GABRA3: variants seen among roughly 807,000 people sequenced by gnomAD.
The protein encoded by GABRA3 is gamma-aminobutyric acid type A receptor subunit alpha3, also known as gamma-aminobutyric acid receptor subunit alpha-3.
In GABRA3, 10 loss-of-function variants were observed where a neutral mutation model predicts 30.1. That is an observed-to-expected ratio of 0.33 (90% CI 0.20 to 0.56). The LOEUF (loss-of-function observed/expected upper bound fraction) is 0.56, where lower values mean the gene tolerates loss of function less well. Ranked by LOEUF, GABRA3 falls within the 20% of genes least tolerant of loss-of-function variation. GABRA3 has a pLI of 0.89. For synonymous variants in GABRA3, 151 were observed against 146.8 expected (o/e 1.03, Z -0.21); for missense variants, 233 against 392.0 (o/e 0.59, Z 3.42).
intron 5 of GABRA3, among the ~76,000 whole-genome samples, chrX:152,241,274 G>A (rs1409188506): frequency 2.1e-5 from 2 of 93,202 alleles, no homozygotes; most frequent in Non-Finnish European, 4.8e-5. Context: ...GTGTCAGTGT[G>A]CCCCTGCTGG....
At chrX:152,382,155 G>T (rs1391259944) in intron 1 of GABRA3, among the ~76,000 whole-genome samples, 1 of 112,158 alleles carries the variant, frequency 8.9e-6, no homozygotes, top group African/African-American at 3.2e-5. Context: ...AGACAATTAT[G>T]CAGCCAACAA....
chrX:152,275,231 A>T (rs1438901156), intron 4 of GABRA3, among the ~76,000 whole-genome samples: 5 of 66,733 alleles, frequency 7.5e-5, no homozygotes, highest in African/African-American at 1.4e-4. Flanking sequence ...TATATAATTT[A>T]TATATATTTT....
chrX:152,300,726 A>T (rs1333094190), intron 3 of GABRA3, among the ~76,000 whole-genome samples: 2 of 112,444 alleles, frequency 1.8e-5, no homozygotes, highest in African/African-American at 6.5e-5. Flanking sequence ...TAGAAATAAA[A>T]AATGCAATTA....
At chrX:152,351,653 T>C (rs1242769436) in intron 2 of GABRA3, among the ~76,000 whole-genome samples, 1 of 112,226 alleles carries the variant, frequency 8.9e-6, no homozygotes. Flanking sequence ...TGGAGTAGCA[T>C]TTTTAATTTC....
chrX:152,237,377 C>T (rs1273161006), intron 5 of GABRA3, among the ~76,000 whole-genome samples: 1 of 106,356 alleles, frequency 9.4e-6, no homozygotes, highest in African/African-American at 3.5e-5. Context: ...GTACCAGTAC[C>T]ATGCTGTTTT....
chrX:152,243,930 C>G (rs1202830696), intron 5 of GABRA3, among the ~76,000 whole-genome samples: 2 of 112,098 alleles, frequency 1.8e-5, no homozygotes, highest in Non-Finnish European at 3.8e-5. Context: ...GGAATAGAGA[C>G]AAATTAGTGA....
intron 3 of GABRA3, among the ~76,000 whole-genome samples, chrX:152,340,161 C>T: frequency 8.9e-6 from 1 of 111,880 alleles, no homozygotes; most frequent in Non-Finnish European, 1.9e-5. Context: ...TTACATCCTT[C>T]GTTGCTTTAT....
At chrX:152,212,089 C>G (rs1937634299) in intron 6 of GABRA3, among the ~76,000 whole-genome samples, 1 of 105,803 alleles carries the variant, frequency 9.5e-6, no homozygotes, top group Non-Finnish European at 1.9e-5. Flanking sequence ...TTGAGAACAA[C>G]CTGGGCAACA....
rs538053350 is a variant in GABRA3 at position 152,448,987 on chromosome X, T to C, written c.-27+2159A>G. ...TAGAAAACTCCGTAGGGTCAATTTGTGGCTAACAAAACAAGTGGGCTATTA... is the reference window on the plus strand; with the variant it reads ...TAGAAAACTCCGTAGGGTCAATTTGCGGCTAACAAAACAAGTGGGCTATTA... On this transcript the variant is annotated intron_variant, in intron 1 of 9. Coordinates refer to ENST00000370314, the MANE Select transcript of GABRA3 (RefSeq NM_000808.4). Among the ~76,000 whole-genome samples the C allele has an allele frequency of 6.3e-5, 7 of 111,494 alleles. No individual in the cohort carries two copies. The South Asian group carries it at 2.7e-3, about 43-fold the overall frequency.
rs185459462 is a variant in GABRA3 at position 152,430,398 on chromosome X, C to T, written c.-27+20748G>A. Reference sequence around the variant, plus strand: ...GTAGGGTAGCAAAGCTAGATCACTGCAGGAAACCAGACGATGAGGCAGGGA... The same window carrying T: ...GTAGGGTAGCAAAGCTAGATCACTGTAGGAAACCAGACGATGAGGCAGGGA... On this transcript the variant is annotated intron_variant, in intron 1 of 9. Transcript: ENST00000370314. 3.2e-3 allele frequency among the ~76,000 whole-genome samples: 360 copies of T among 111,132 alleles called. 1 individual carries two copies. Among genetic ancestry groups the T allele is most frequent in the Non-Finnish European group, 5.2e-3 (273 of 52,981 alleles).
chrX:152,264,847 C>T (rs1938794898), intron 4 of GABRA3, among the ~76,000 whole-genome samples: 1 of 110,666 alleles, frequency 9.0e-6, no homozygotes, highest in African/African-American at 3.3e-5. Flanking sequence ...GGAGTAGCTA[C>T]ACTTATATCA....
At chrX:152,182,362 T>C (rs181314194) in intron 9 of GABRA3, among the ~76,000 whole-genome samples, 179 of 98,333 alleles carry the variant, frequency 1.8e-3, no homozygotes, top group African/African-American at 6.0e-3. Flanking sequence ...ATACACACTA[T>C]GTATATATAC....
At position 152,227,886 on chromosome X, in the gene GABRA3, G is replaced by GT. The variant is rs1463352433; in HGVS notation, c.552-3042dup. On this transcript the variant is annotated intron_variant, in intron 5 of 9. Transcript: ENST00000370314. The stretch of plus-strand genomic sequence containing the variant: ...CTAGCAATTTTCCATTCATCTGAGG[G>GT]TAACGGTCTCCTCAGGTCCTCAGTA... Among the ~76,000 whole-genome samples the GT allele has an allele frequency of 1.5e-4, 17 of 111,451 alleles. No individual in the cohort carries two copies. The East Asian group carries it at 4.8e-3, about 32-fold the overall frequency.
At chrX:152,427,633 C>T (rs910427937) in intron 1 of GABRA3, among the ~76,000 whole-genome samples, 6 of 112,070 alleles carry the variant, frequency 5.4e-5, no homozygotes, top group African/African-American at 1.9e-4. Flanking sequence ...TCAAAGTATG[C>T]CTTCCCTTTT....
At chrX:152,329,923 G>C (rs1940135047) in intron 3 of GABRA3, among the ~76,000 whole-genome samples, 1 of 111,279 alleles carries the variant, frequency 9.0e-6, no homozygotes, top group African/African-American at 3.3e-5. Flanking sequence ...CTACAGAATG[G>C]GAGAAAATTT....
intron 1 of GABRA3, among the ~76,000 whole-genome samples, chrX:152,417,454 G>T (rs186675654): frequency 0.04 from 4,371 of 109,578 alleles, 99 homozygotes; most frequent in Non-Finnish European, 0.063. Context: ...AACCACTGTG[G>T]AAGTCAGTGT....
intron 8 of GABRA3, among the ~76,000 whole-genome samples, chrX:152,195,787 G>C (rs766765188): frequency 9.0e-6 from 1 of 111,472 alleles, no homozygotes; most frequent in African/African-American, 3.3e-5. Context: ...TCCATCTCAA[G>C]ATCTTTTATT....
chrX:152,398,276 TTG>T (rs1457455303), intron 1 of GABRA3, among the ~76,000 whole-genome samples: 533 of 14,599 alleles, frequency 0.037, 5 homozygotes, highest in Middle Eastern at 0.067. Flanking sequence ...TTTTTTTTTT[TTG>T]GGCTCTACAG....
In GABRA3 at chrX:152,380,088, C is replaced by T. The variant is rs1031464658; in HGVS notation, c.-26-15492G>A. Among the ~76,000 whole-genome samples the T allele has an allele frequency of 3.6e-5, 4 of 111,790 alleles. No individual in the cohort carries two copies. The East Asian group carries it at 1.1e-3, about 31-fold the overall frequency. The stretch of plus-strand genomic sequence containing the variant: ...GATGATTAACATATCGATCACTTTT[C>T]TTACCTATCATCTTTTTATGGTAAG... On this transcript the variant is annotated intron_variant, in intron 1 of 9. Coordinates refer to ENST00000370314, the MANE Select transcript of GABRA3 (RefSeq NM_000808.4).
Sources: gnomAD v4.1 joint callset for allele counts (sites outside exome capture counted in the v4.1 genomes callset) on GRCh38, gnomAD v4.1.1 for gene constraint, MANE v1.5 for transcripts, NCBI Gene and HGNC (gene_info 2026-07-23, HGNC 2026-07-21) for gene names.